Variants in NPAS1 observed in about 807,000 individuals in gnomAD.
NPAS1 encodes the protein neuronal PAS domain protein 1, also known as neuronal PAS domain-containing protein 1.
In NPAS1, 29 loss-of-function variants were observed where a neutral mutation model predicts 49.2. That is an observed-to-expected ratio of 0.59 (90% confidence interval 0.44 to 0.80). NPAS1 has a LOEUF of 0.80. Ranked by LOEUF, NPAS1 falls within the 30% of genes least tolerant of loss-of-function variation. The pLI, the probability that NPAS1 is intolerant of heterozygous loss-of-function variation, is 0.00. For synonymous variants in NPAS1, 408 were observed against 380.4 expected, an observed-to-expected ratio of 1.07 and a Z score of -0.84; for missense variants, 825 against 835.5, an observed-to-expected ratio of 0.99 and a Z score of 0.15.
chr19:47,021,251 G>A lies in NPAS1; in HGVS notation c.122+82G>A. 3 of 1,291,540 alleles carry A rather than the reference G, an allele frequency of 2.3e-6. No homozygotes were observed. The highest frequency in any genetic ancestry group is 3.1e-6 in the Non-Finnish European group (3 of 956,686). The allele number at this position is 1,291,540 out of a possible 1,614,324, so 80.0% of individuals were successfully genotyped here. A position where few individuals can be genotyped will look rare whatever the true frequency, so the allele number is the denominator to read the frequency against. On this transcript the variant is annotated intron_variant, in intron 2 of 11. Transcript: ENST00000602212. The surrounding 1 kb of genome is among the most constrained non-coding windows in gnomAD (Gnocchi z 5.7). Reference sequence around the variant, plus strand: ...CGATGTTCTGTCCCCGTGCCAAGGGGCAGTTCACACCCAGCTCCCTGACCC... The same window carrying A: ...CGATGTTCTGTCCCCGTGCCAAGGGACAGTTCACACCCAGCTCCCTGACCC...
At chr19:47,026,680 G>GC (rs1284973830) in intron 3 of NPAS1, among the ~76,000 whole-genome samples, 1 of 152,022 alleles carries the variant, frequency 6.6e-6, no homozygotes, top group East Asian at 1.9e-4. Flanking sequence ...GTGCGGCCGG[G>GC]GCGGTGGCTC....
Position 47,045,314 on chromosome 19 carries a change from G to C in NPAS1, c.1436G>C (p.Gly479Ala), listed in dbSNP as rs749286783. Residue 479 changes from glycine (G) to alanine (A), a missense_variant, in exon 12 of 12, where the codon GGC (glycine) becomes GCC (alanine). Coordinates refer to ENST00000602212, the MANE Select transcript of NPAS1 (RefSeq NM_002517.4). ...PRETKGSEDS[G>A]DEDPSSHPAT... ...GAAACCAAAGGCTCCGAGGACAGTGGCGACGAGGATCCCTCCAGCCACCCG... is the reference window on the plus strand; with the variant it reads ...GAAACCAAAGGCTCCGAGGACAGTGCCGACGAGGATCCCTCCAGCCACCCG... 1 of 1,614,042 alleles carries C rather than the reference G, an allele frequency of 6.2e-7. No individual in the cohort carries two copies. Among genetic ancestry groups the C allele is most frequent in the Admixed American group, 1.7e-5 (1 of 60,018 alleles).
At chr19:47,037,547 T>A (rs944459631) in intron 6 of NPAS1, among the ~76,000 whole-genome samples, 3 of 151,942 alleles carry the variant, frequency 2.0e-5, no homozygotes, top group African/African-American at 7.3e-5. Flanking sequence ...CGCCTAACCC[T>A]TCTCTCCAGT....
Position 47,045,207 on chromosome 19 carries a change from G to C in NPAS1, c.1329G>C (p.Thr443=). ...GPEPTEPEPP[T]EGKQAAPAEN... is the part of the protein sequence containing the mutation. ...CTCTTCCAGAGCCGGAGCCTCCGAC[G>C]GAAGGGAAGCAGGCTGCCCCAGCGG... Residue 443 remains threonine, a synonymous_variant, in exon 12 of 12, where the codon ACG becomes ACC. Coordinates refer to ENST00000602212, the MANE Select transcript of NPAS1 (RefSeq NM_002517.4). 6.2e-7 allele frequency: 1 copy of C among 1,613,632 alleles called. No individual in the cohort carries two copies. Among genetic ancestry groups the C allele is most frequent in the South Asian group, 1.1e-5 (1 of 91,082 alleles).
At position 47,036,101 on chromosome 19, in the gene NPAS1, C is replaced by T. The variant is rs373785474; in HGVS notation, c.660C>T (p.Ser220=). ...CCGTCTCCTCTTCCTCCTCCTCTTC[C>T]TCTTCGCTTGCAGATACCCCCGAGA... The part of the protein sequence containing the change: ...PPSVSSSSSS[S]SSLADTPEIE... Residue 220 remains serine (S), a synonymous_variant, in exon 6 of 12, where the codon TCC becomes TCT. Coordinates refer to ENST00000602212, the MANE Select transcript of NPAS1 (RefSeq NM_002517.4). 7.1e-4 allele frequency: 1,118 copies of T among 1,575,018 alleles called. 1 individual carries two copies. Among genetic ancestry groups the T allele is most frequent in the Non-Finnish European group, 9.3e-4 (1,076 of 1,160,806 alleles).
At chr19:47,039,706 G>C in intron 8 of NPAS1, 142 bp downstream of exon 8, 1 of 966,870 alleles carries the variant, frequency 1.0e-6, no homozygotes, top group Non-Finnish European at 1.5e-6. Context: ...GATGGGACAG[G>C]GTGATGGGGA....
In NPAS1 at chr19:47,041,132, G is replaced by A; in HGVS notation, c.1217+7G>A. On this transcript the variant is annotated splice_region_variant and intron_variant, in intron 10 of 11. Coordinates refer to ENST00000602212, the MANE Select transcript of NPAS1 (RefSeq NM_002517.4). The stretch of plus-strand genomic sequence containing the variant: ...GGGTCAGCCACGTGCTCAGGTGAGG[G>A]CTGTGCCCACCCCTCCTGCAGGGCA... The A allele has an allele frequency of 6.4e-7, 1 of 1,571,556 alleles. No individual in the cohort carries two copies. The highest frequency in any genetic ancestry group is 8.6e-7 in the Non-Finnish European group (1 of 1,165,684).
At chr19:47,022,607 G>C (rs2056848874) in intron 3 of NPAS1, among the ~76,000 whole-genome samples, 1 of 152,170 alleles carries the variant, frequency 6.6e-6, no homozygotes, top group Non-Finnish European at 1.5e-5. Context: ...GGGGCATGGA[G>C]GAGGGGGCGG....
intron 10 of NPAS1, 138 bp from the exon 11 acceptor site, chr19:47,042,672 C>T (rs1324778152): frequency 6.7e-6 from 4 of 601,262 alleles, no homozygotes; most frequent in Non-Finnish European, 8.4e-6. Context: ...TGGTGTTGAG[C>T]CTTGTAAGTG....
chr19:47,039,238 C>G, intron 7 of NPAS1, 87 bp downstream of exon 7: 1 of 1,469,312 alleles, frequency 6.8e-7, no homozygotes, highest in Non-Finnish European at 9.2e-7. Flanking sequence ...GGTGGCTTCA[C>G]TGGCTGCAGG....
chr19:47,045,696 C>A lies in NPAS1; in HGVS notation c.*45C>A. On this transcript the variant is annotated 3_prime_UTR_variant, in exon 12 of 12. Coordinates refer to ENST00000602212, the MANE Select transcript of NPAS1 (RefSeq NM_002517.4). ...CGCCGGACCCTGCGACAACCGGGGT[C>A]CCCCAGGACAGTAGGCCCGGCTCTG... is the stretch of plus-strand genomic sequence containing the variant. 1 of 1,360,920 alleles carries A rather than the reference C, an allele frequency of 7.3e-7. No individual in the cohort carries two copies. The highest frequency in any genetic ancestry group is 9.5e-7 in the Non-Finnish European group (1 of 1,051,254). 84.3% of individuals were successfully genotyped at this position (1,360,920 alleles called of 1,614,324 possible).
At chr19:47,027,466 G>A (rs150643629) in intron 3 of NPAS1, among the ~76,000 whole-genome samples, 2 of 74,526 alleles carry the variant, frequency 2.7e-5, no homozygotes, top group Admixed American at 1.4e-4. Context: ...CTGGTCTCCC[G>A]TCTCTCTGCC....
intron 6 of NPAS1, among the ~76,000 whole-genome samples, chr19:47,038,691 G>A (rs1369254954): frequency 6.6e-6 from 1 of 152,104 alleles, no homozygotes; most frequent in Non-Finnish European, 1.5e-5. Context: ...GTCGGGCATG[G>A]TAGCATGTGC....
At chr19:47,020,021 A>T in intron 1 of NPAS1, 24 bp downstream of exon 1, 1 of 271,050 alleles carries the variant, frequency 3.7e-6, no homozygotes, top group Non-Finnish European at 6.4e-6. Flanking sequence ...GCGGGCTGGC[A>T]GGAGGGGGAC....
intron 6 of NPAS1, among the ~76,000 whole-genome samples, chr19:47,037,338 C>CAAAAAAAA (rs869125845): frequency 1.4e-4 from 7 of 51,786 alleles, no homozygotes; most frequent in African/African-American, 5.8e-4. Context: ...ACTCCGTCTC[C>CAAAAAAAA]AAAAAAAAAA....
chr19:47,040,695 G>A (rs2057009885), intron 9 of NPAS1, 145 bp downstream of exon 9: 3 of 627,666 alleles, frequency 4.8e-6, no homozygotes, highest in Non-Finnish European at 8.5e-6. Context: ...TTTAGCATTG[G>A]AAGAGCAGCA....
chr19:47,041,850 C>T (rs748761819), intron 10 of NPAS1, among the ~76,000 whole-genome samples: 1 of 151,750 alleles, frequency 6.6e-6, no homozygotes. Context: ...TACAGTGGCA[C>T]GCACCTGTGG....
At chr19:47,033,975 TAAA>T (rs532811476) in intron 5 of NPAS1, among the ~76,000 whole-genome samples, 2 of 100,842 alleles carry the variant, frequency 2.0e-5, no homozygotes, top group African/African-American at 7.8e-5. Context: ...GGCTATGCCT[TAAA>T]AAAAAAAAAA....
chr19:47,045,410 G>A lies in NPAS1; in HGVS notation c.1532G>A (p.Trp511Ter). Residue 511 changes from tryptophan to a stop codon, truncating the protein, a stop_gained, in exon 12 of 12, where the codon TGG becomes TAG. Transcript: ENST00000602212. LOFTEE classifies it low-confidence loss of function (END_TRUNC). ...CTGAAGCAGGATCCGGTGCGGCCAT[G>A]GGGCCTGGCGCCTCCCGGGGACCCC... ...GVLKQDPVRPWGLAPPGDPPP... is the reference protein window; with the variant it reads ...GVLKQDPVRP The A allele has an allele frequency of 6.2e-7, 1 of 1,610,322 alleles. No individual in the cohort carries two copies. The highest frequency in any genetic ancestry group is 8.5e-7 in the Non-Finnish European group (1 of 1,178,488).
Sources: gnomAD v4.1 joint callset for allele counts (sites outside exome capture counted in the v4.1 genomes callset) on GRCh38, gnomAD v4.1.1 for gene constraint, Gnocchi (gnomAD v3.1) non-coding constraint, MANE v1.5 for transcripts, NCBI Gene and HGNC (gene_info 2026-07-23, HGNC 2026-07-21) for gene names.